Variants in RIMKLA observed in about 807,000 individuals in gnomAD.
The protein encoded by RIMKLA is N-acetylaspartylglutamate synthase A.
RIMKLA carries 14 observed loss-of-function variants against 32.7 expected under a neutral mutation model. That is an observed-to-expected ratio of 0.43 (90% CI 0.28 to 0.67). The LOEUF (loss-of-function observed/expected upper bound fraction) is 0.67, where lower values mean the gene tolerates loss of function less well. Among genes scored for constraint, RIMKLA ranks in the 30% least tolerant of loss-of-function variants. RIMKLA has a pLI of 0.18. For synonymous variants in RIMKLA, 176 were observed against 204.1 expected (o/e 0.86, Z 1.18); for missense variants, 410 against 519.0 (o/e 0.79, Z 2.04).
At chr1:42,391,109 A>T (rs1642996652) in intron 1 of RIMKLA, among the ~76,000 whole-genome samples, 2 of 152,204 alleles carry the variant, frequency 1.3e-5, no homozygotes, top group Admixed American at 1.3e-4. Context: ...GTTGGAGATT[A>T]GAATAAGGAT....
At chr1:42,402,066 C>T (rs1643101865) in intron 2 of RIMKLA, among the ~76,000 whole-genome samples, 1 of 152,188 alleles carries the variant, frequency 6.6e-6, no homozygotes, top group Non-Finnish European at 1.5e-5. Flanking sequence ...TACAAAACAT[C>T]CTCTTCATGA....
intron 3 of RIMKLA, among the ~76,000 whole-genome samples, chr1:42,404,950 A>G (rs1040551881): frequency 6.6e-6 from 1 of 152,190 alleles, no homozygotes. Flanking sequence ...GACAGAGTCC[A>G]TATTCCTCAT....
chr1:42,390,107 A>T (rs1642988149), intron 1 of RIMKLA, among the ~76,000 whole-genome samples: 2 of 140,702 alleles, frequency 1.4e-5, no homozygotes, highest in South Asian at 4.4e-4. Flanking sequence ...GTGCGATCTC[A>T]GCTCGCCGCA....
At chr1:42,391,696 C>G (rs4660629) in intron 1 of RIMKLA, among the ~76,000 whole-genome samples, 22,901 of 152,072 alleles carry the variant, frequency 0.15, 1,822 homozygotes, top group East Asian at 0.22. Flanking sequence ...ATGGGGTATA[C>G]AGTCCAGGGA....
intron 1 of RIMKLA, among the ~76,000 whole-genome samples, chr1:42,388,681 CT>C (rs1476640941): frequency 6.6e-6 from 1 of 151,946 alleles, no homozygotes; most frequent in Non-Finnish European, 1.5e-5. Flanking sequence ...ACCGTACTGG[CT>C]GATTTTTGTA....
intron 3 of RIMKLA, among the ~76,000 whole-genome samples, chr1:42,405,662 A>G (rs970564656): frequency 6.6e-6 from 1 of 152,232 alleles, no homozygotes; most frequent in African/African-American, 2.4e-5. Flanking sequence ...AAAACAAAAA[A>G]ACAAAAACAA....
chr1:42,382,532 G>A (rs1322280961), intron 1 of RIMKLA, among the ~76,000 whole-genome samples: 1 of 152,074 alleles, frequency 6.6e-6, no homozygotes, highest in Non-Finnish European at 1.5e-5. Context: ...GTATTTCACC[G>A]ACCTAGATTA....
intron 4 of RIMKLA, among the ~76,000 whole-genome samples, chr1:42,411,170 T>TG (rs1463361954): frequency 6.6e-6 from 1 of 150,602 alleles, no homozygotes; most frequent in East Asian, 1.9e-4. Context: ...TCTCTACAAA[T>TG]TTTTTTTTTA....
At chr1:42,405,979 G>A (rs181463281) in intron 3 of RIMKLA, among the ~76,000 whole-genome samples, 47 of 152,300 alleles carry the variant, frequency 3.1e-4, no homozygotes, top group African/African-American at 8.9e-4. Flanking sequence ...CTCTTAGTGC[G>A]ATGCAGATGT....
At position 42,416,159 on chromosome 1, in the gene RIMKLA, T is replaced by G. The variant is rs911100554; in HGVS notation, c.*1185T>G. The G allele has an allele frequency of 1.3e-5, 2 of 150,724 alleles. No individual in the cohort carries two copies. The highest frequency in any genetic ancestry group is 4.8e-5 in the African/African-American group (2 of 41,274). The allele number at this position is 150,724 out of a possible 1,614,324, so 9.3% of individuals were successfully genotyped here. ...AATTCTCTAAGCAGTAGATGAGATC[T>G]TTCCCTTGGGAGAAATCACAGAGAT... is the stretch of plus-strand genomic sequence containing the variant. On this transcript the variant is annotated 3_prime_UTR_variant, in exon 5 of 5. Coordinates refer to ENST00000431473, the MANE Select transcript of RIMKLA (RefSeq NM_173642.4).
chr1:42,386,737 T>C (rs1570314878), intron 1 of RIMKLA, among the ~76,000 whole-genome samples: 1 of 150,528 alleles, frequency 6.6e-6, no homozygotes, highest in East Asian at 1.9e-4. Flanking sequence ...ATACAAAAAT[T>C]ACCCAGGCTT....
rs1643080166 is a variant in RIMKLA, at chr1:42,399,640, T to G, written c.394+6T>G. On this transcript the variant is annotated splice_donor_region_variant and intron_variant, in intron 2 of 4. Coordinates refer to ENST00000431473, the MANE Select transcript of RIMKLA (RefSeq NM_173642.4). ...GCCAGACACCTTCTCCTATGGTGAG[T>G]CAGCTTGAAATAGCTTCCCAAATCA... is the stretch of plus-strand genomic sequence containing the variant. 6.4e-7 allele frequency: 1 copy of G among 1,565,504 alleles called. No individual in the cohort carries two copies. Among genetic ancestry groups the G allele is most frequent in the African/African-American group, 1.3e-5 (1 of 74,084 alleles).
At chr1:42,386,618 G>A (rs1038103949) in intron 1 of RIMKLA, among the ~76,000 whole-genome samples, 14 of 151,058 alleles carry the variant, frequency 9.3e-5, no homozygotes, top group African/African-American at 3.4e-4. Context: ...GCAGGCGCTT[G>A]TAATCCCAGC....
At chr1:42,386,526 A>G (rs1642948668) in intron 1 of RIMKLA, among the ~76,000 whole-genome samples, 1 of 151,756 alleles carries the variant, frequency 6.6e-6, no homozygotes, top group South Asian at 2.1e-4. Flanking sequence ...ATATTGTTTT[A>G]ACACAAACCT....
In RIMKLA at chr1:42,420,907, C is replaced by G. The variant is rs182915748; in HGVS notation, c.*5933C>G. On this transcript the variant is annotated 3_prime_UTR_variant, in exon 5 of 5. Transcript: ENST00000431473. ...GATACATAAACAAACTTGAATGTGTCGCACTTAACCACATGCCTGGCTTTC... is the reference window on the plus strand; with the variant it reads ...GATACATAAACAAACTTGAATGTGTGGCACTTAACCACATGCCTGGCTTTC... 6.6e-6 allele frequency: 1 copy of G among 152,214 alleles called. No homozygotes were observed. Among genetic ancestry groups the G allele is most frequent in the African/African-American group, 2.4e-5 (1 of 41,450 alleles). 9.4% of individuals were successfully genotyped at this position (152,214 alleles called of 1,614,324 possible).
chr1:42,403,582 A>G (rs1440655856), intron 2 of RIMKLA, among the ~76,000 whole-genome samples: 3 of 152,222 alleles, frequency 2.0e-5, no homozygotes, highest in African/African-American at 7.2e-5. Flanking sequence ...TTATAGGAGT[A>G]TGGTGGAGCC....
chr1:42,402,133 C>T (rs1476433650), intron 2 of RIMKLA, among the ~76,000 whole-genome samples: 2 of 152,164 alleles, frequency 1.3e-5, no homozygotes, highest in Non-Finnish European at 2.9e-5. Context: ...CATTAGCACT[C>T]TTGTGAACTA....
At chr1:42,393,018 C>G (rs1319479634) in intron 1 of RIMKLA, among the ~76,000 whole-genome samples, 1 of 152,070 alleles carries the variant, frequency 6.6e-6, no homozygotes, top group Non-Finnish European at 1.5e-5. Flanking sequence ...ATTGTCAACT[C>G]CCTGGCCTCT....
At chr1:42,392,453 T>G (rs1222415468) in intron 1 of RIMKLA, among the ~76,000 whole-genome samples, 1 of 152,174 alleles carries the variant, frequency 6.6e-6, no homozygotes, top group Non-Finnish European at 1.5e-5. Context: ...GCCCAGCCCT[T>G]AAGAAGACAG....
Sources: allele counts gnomAD v4.1 joint callset (sites outside exome capture counted in the v4.1 genomes callset), GRCh38; gene constraint gnomAD v4.1.1; transcripts MANE v1.5; gene names NCBI Gene and HGNC (gene_info 2026-07-23, HGNC 2026-07-21).